The following SFXN4 variants were observed in gnomAD, a reference collection of about 807,000 sequenced individuals.
The protein encoded by SFXN4 is sideroflexin-4.
A neutral mutation model predicts 54.6 loss-of-function variants in SFXN4; 48 were observed. That is an observed-to-expected ratio of 0.88 (90% CI 0.70 to 1.12). The LOEUF is 1.12. SFXN4 is among the 50% of genes most tolerant of loss of function. The pLI, the probability that SFXN4 is intolerant of heterozygous loss-of-function variation, is 0.00. For missense variants in SFXN4, 383 were observed against 409.2 expected (o/e 0.94, Z 0.55); for synonymous variants, 130 against 145.5 (o/e 0.89, Z 0.77).
chr10:119,144,825 C>A (rs1846719977), intron 13 of SFXN4, among the ~76,000 whole-genome samples: 1 of 152,150 alleles, frequency 6.6e-6, no homozygotes, highest in Admixed American at 6.6e-5. Flanking sequence ...CCTAGTCACA[C>A]CAGCCTCTCC....
At chr10:119,162,855 G>C (rs751147907) in intron 2 of SFXN4, among the ~76,000 whole-genome samples, 2 of 152,016 alleles carry the variant, frequency 1.3e-5, no homozygotes, top group Non-Finnish European at 2.9e-5. Flanking sequence ...GAGTGCAGTG[G>C]TGTGATCATA....
intron 1 of SFXN4, 195 bp downstream of exon 1, chr10:119,165,342 C>T (rs1847724876): frequency 7.7e-7 from 1 of 1,300,900 alleles, no homozygotes; most frequent in Non-Finnish European, 9.8e-7. Context: ...CTGGCAGCTT[C>T]GATTTCCCCT....
intron 2 of SFXN4, among the ~76,000 whole-genome samples, chr10:119,163,447 G>C (rs983181885): frequency 6.6e-6 from 1 of 152,074 alleles, no homozygotes; most frequent in Admixed American, 6.5e-5. Context: ...ACGCAGGCTG[G>C]AGTGCAGTGG....
At chr10:119,150,795 A>C (rs1423075902) in intron 11 of SFXN4, among the ~76,000 whole-genome samples, 2 of 152,220 alleles carry the variant, frequency 1.3e-5, no homozygotes, top group Non-Finnish European at 2.9e-5. Context: ...GAGAAATACA[A>C]ACACACATAT....
intron 9 of SFXN4, 37 bp from the exon 10 acceptor site, chr10:119,156,793 A>C (rs1202444936): frequency 1.2e-5 from 19 of 1,526,038 alleles, no homozygotes; most frequent in Non-Finnish European, 1.6e-5. Context: ...ATTTCATGGG[A>C]CTGAAAAATC....
At chr10:119,165,153 G>A in intron 1 of SFXN4, 1 of 995,874 alleles carries the variant, frequency 1.0e-6, no homozygotes, top group Non-Finnish European at 1.2e-6. Flanking sequence ...CCTGCCCAAG[G>A]GTGGCTTCCC....
intron 13 of SFXN4, among the ~76,000 whole-genome samples, chr10:119,141,543 C>T (rs1371075465): frequency 1.6e-5 from 2 of 125,036 alleles, no homozygotes; most frequent in Non-Finnish European, 3.2e-5. Context: ...CAGAGTCTTG[C>T]TCTGTTGCGC....
intron 3 of SFXN4, among the ~76,000 whole-genome samples, chr10:119,161,646 G>A (rs1031988230): frequency 6.6e-6 from 1 of 152,038 alleles, no homozygotes; most frequent in East Asian, 1.9e-4. Flanking sequence ...ACAGAGAAAT[G>A]GACCAGAACA....
Position 119,157,936 on chromosome 10 carries a change from A to G in SFXN4, c.415-9T>C, listed in dbSNP as rs1057521507. The G allele has an allele frequency of 1.2e-6, 2 of 1,614,240 alleles. No homozygotes were observed. The highest frequency in any genetic ancestry group is 1.7e-5 in the Admixed American group (1 of 60,030). ...TAGGCACAGAGGAAAACCTGCCGAG[A>G]GGGGCAAATGGATCGCATTTTCGTT... On this transcript the variant is annotated splice_polypyrimidine_tract_variant and intron_variant, in intron 7 of 13. Transcript: ENST00000355697.
rs1025744338 is a variant in SFXN4, at chr10:119,141,152, C to T, written c.*90G>A. 13 of 905,288 alleles carry T rather than the reference C, an allele frequency of 1.4e-5. No homozygotes were observed. The highest frequency in any genetic ancestry group is 2.2e-4 in the Middle Eastern group (1 of 4,558). The allele number at this position is 905,288 out of a possible 1,614,324, so 56.1% of individuals were successfully genotyped here. On this transcript the variant is annotated 3_prime_UTR_variant, in exon 14 of 14. Coordinates refer to ENST00000355697, the MANE Select transcript of SFXN4 (RefSeq NM_213649.2). ...TCAGCACAGACACCTCTGGGGTCCC[C>T]AGAAGACCTGTGGCAAAGTTCTCTA...
At chr10:119,156,868 G>T in intron 9 of SFXN4, 112 bp from the exon 10 acceptor site, 1 of 712,250 alleles carries the variant, frequency 1.4e-6, no homozygotes, top group Non-Finnish European at 2.4e-6. Context: ...TCAGACCACT[G>T]CCAGTGCTCT....
chr10:119,158,104 G>A lies in SFXN4; in HGVS notation c.361-42C>T, dbSNP rs2275112. The A allele has an allele frequency of 0.35, 549,868 of 1,589,208 alleles. 98,159 individuals are homozygous for A. The highest frequency in any genetic ancestry group is 0.4 in the South Asian group (36,226 of 90,528). On this transcript the variant is annotated intron_variant, in intron 6 of 13. Coordinates refer to ENST00000355697, the MANE Select transcript of SFXN4 (RefSeq NM_213649.2). Reference sequence around the variant, plus strand: ...GGAACAGAGTTACAAGTGTTGCTGTGGAAGGAGAACTTGCAGTAGCAAAGA... The same window carrying A: ...GGAACAGAGTTACAAGTGTTGCTGTAGAAGGAGAACTTGCAGTAGCAAAGA...
chr10:119,144,589 A>G (rs946433909), intron 13 of SFXN4, among the ~76,000 whole-genome samples: 6 of 152,168 alleles, frequency 3.9e-5, no homozygotes, highest in African/African-American at 1.2e-4. Context: ...CTTGCTACCT[A>G]CTAAGCAACA....
intron 5 of SFXN4, among the ~76,000 whole-genome samples, chr10:119,160,419 G>A (rs1050047292): frequency 1.9e-4 from 28 of 151,306 alleles, no homozygotes; most frequent in Non-Finnish European, 2.4e-4. Flanking sequence ...GGAGGCTGAG[G>A]CAGGAGAAAT....
intron 10 of SFXN4, among the ~76,000 whole-genome samples, chr10:119,156,161 G>A: frequency 6.6e-6 from 1 of 152,190 alleles, no homozygotes; most frequent in Non-Finnish European, 1.5e-5. Flanking sequence ...GGTGGCTCAT[G>A]CCTGTAATCC....
rs145641145 is a variant in SFXN4, at chr10:119,156,390, C to T, written c.616+288G>A. On this transcript the variant is annotated intron_variant, in intron 10 of 13. Coordinates refer to ENST00000355697, the MANE Select transcript of SFXN4 (RefSeq NM_213649.2). ...GTTGCAGTGAGCCGAGCTCATGCCA[C>T]TGCACTCCAGCCTGGGTGACAGAGC... Among the ~76,000 whole-genome samples, 2,048 of 152,318 alleles carry T rather than the reference C, an allele frequency of 0.013. 51 individuals are homozygous for T. The highest frequency in any genetic ancestry group is 0.085 in the East Asian group (439 of 5,182).
intron 2 of SFXN4, among the ~76,000 whole-genome samples, chr10:119,163,720 T>C (rs1219343502): frequency 6.6e-6 from 1 of 152,142 alleles, no homozygotes; most frequent in African/African-American, 2.4e-5. Context: ...CGCTTTTCCT[T>C]ACCCCTTCCA....
chr10:119,159,671 A>G (rs1384824779), intron 6 of SFXN4, 57 bp downstream of exon 6: 2 of 1,572,050 alleles, frequency 1.3e-6, no homozygotes, highest in Admixed American at 1.7e-5. Flanking sequence ...GGTTAGGAGG[A>G]GAGTGGCCAT....
intron 13 of SFXN4, among the ~76,000 whole-genome samples, chr10:119,144,275 T>C (rs1589622163): frequency 6.6e-6 from 1 of 152,208 alleles, no homozygotes; most frequent in African/African-American, 2.4e-5. Context: ...GCTAACATGG[T>C]GAAACCCCAT....
Sources: gnomAD v4.1 joint callset for allele counts (sites outside exome capture counted in the v4.1 genomes callset) on GRCh38, gnomAD v4.1.1 for gene constraint, MANE v1.5 for transcripts, NCBI Gene and HGNC (gene_info 2026-07-23, HGNC 2026-07-21) for gene names.